The following WWOX variants were observed in gnomAD, a reference collection of about 807,000 sequenced individuals.
WWOX encodes WW domain containing oxidoreductase.
A neutral mutation model predicts 46.2 loss-of-function variants in WWOX; 69 were observed. The ratio of observed to expected loss-of-function variants is 1.49; its 90% CI spans 1.23 to 1.82. WWOX has a LOEUF of 1.82. Ranked by LOEUF, WWOX falls within the 40% of genes most tolerant of loss-of-function variation. The probability of loss-of-function intolerance (pLI) is 0.00; values close to 1 mark genes in which losing one functional copy is unlikely to be tolerated. For synonymous variants in WWOX, 359 were observed against 202.6 expected (o/e 1.77, Z -6.56); for missense variants, 919 against 542.6 (o/e 1.69, Z -6.89).
chr16:78,849,130 A>G (rs891986706), intron 8 of WWOX, among the ~76,000 whole-genome samples: 2 of 152,192 alleles, frequency 1.3e-5, no homozygotes, highest in Admixed American at 6.5e-5. Context: ...CAGTAACTCA[A>G]CATTAACTGT....
At chr16:78,575,092 T>G (rs1286731508) in intron 8 of WWOX, among the ~76,000 whole-genome samples, 4 of 56,400 alleles carry the variant, frequency 7.1e-5, no homozygotes, top group African/African-American at 1.6e-4. Flanking sequence ...TATATATATA[T>G]ATATTTAAAG....
At chr16:78,974,799 A>T (rs1416157414) in intron 8 of WWOX, among the ~76,000 whole-genome samples, 2 of 152,146 alleles carry the variant, frequency 1.3e-5, no homozygotes, top group African/African-American at 4.8e-5. Context: ...TTTAGGGCGT[A>T]ATCTTCTGAG....
chr16:79,110,404 G>C (rs967338859), intron 8 of WWOX, among the ~76,000 whole-genome samples: 2 of 152,110 alleles, frequency 1.3e-5, no homozygotes, highest in Admixed American at 1.3e-4. Context: ...GAAACCTTGA[G>C]CTCTGAGCCC....
chr16:78,635,635 T>G (rs2046548870), intron 8 of WWOX, among the ~76,000 whole-genome samples: 2 of 152,126 alleles, frequency 1.3e-5, no homozygotes, highest in South Asian at 2.1e-4. Context: ...GAGGATGAAG[T>G]GCTAAAAATG....
At chr16:78,127,055 G>C (rs902813729) in intron 4 of WWOX, among the ~76,000 whole-genome samples, 1 of 152,178 alleles carries the variant, frequency 6.6e-6, no homozygotes, top group Admixed American at 6.5e-5. Flanking sequence ...AAAGATGTAG[G>C]AGAGGAACAC....
At chr16:78,490,297 C>T (rs941093200) in intron 8 of WWOX, among the ~76,000 whole-genome samples, 1 of 132,166 alleles carries the variant, frequency 7.6e-6, no homozygotes, top group African/African-American at 3.3e-5. Context: ...TTGTTTAACA[C>T]ACAAATAACT....
At chr16:78,892,887 C>G (rs573430370) in intron 8 of WWOX, among the ~76,000 whole-genome samples, 3 of 152,184 alleles carry the variant, frequency 2.0e-5, no homozygotes, top group Admixed American at 2.0e-4. Context: ...TTGGTATCTC[C>G]TACGCCAAGT....
chr16:78,654,728 G>T (rs1167839539), intron 8 of WWOX, among the ~76,000 whole-genome samples: 1 of 151,232 alleles, frequency 6.6e-6, no homozygotes, highest in East Asian at 1.9e-4. Context: ...TTTGGGGCCT[G>T]TGAATTTTTT....
At chr16:78,837,532 T>C (rs8060300) in intron 8 of WWOX, among the ~76,000 whole-genome samples, 27,128 of 152,086 alleles carry the variant, frequency 0.18, 2,854 homozygotes, top group African/African-American at 0.3. Context: ...TTCTCAGGAG[T>C]GGGATACTTT....
At chr16:79,014,695 A>T (rs140774545) in intron 8 of WWOX, among the ~76,000 whole-genome samples, 13 of 152,318 alleles carry the variant, frequency 8.5e-5, no homozygotes, top group Middle Eastern at 3.4e-3. Context: ...GATTTCAGAG[A>T]TGAAAGAACC....
intron 8 of WWOX, among the ~76,000 whole-genome samples, chr16:78,782,504 T>G (rs1167396604): frequency 1.3e-5 from 2 of 152,134 alleles, no homozygotes; most frequent in Non-Finnish European, 2.9e-5. Context: ...GGAAAAATCA[T>G]CCAAACTACT....
intron 8 of WWOX, among the ~76,000 whole-genome samples, chr16:78,748,615 T>C (rs1477212315): frequency 6.6e-6 from 1 of 152,192 alleles, no homozygotes; most frequent in Admixed American, 6.5e-5. Context: ...GGTTAGCAGA[T>C]GGCAGCTGCA....
chr16:78,264,087 G>A (rs1014340511), intron 5 of WWOX, among the ~76,000 whole-genome samples: 4 of 140,280 alleles, frequency 2.9e-5, no homozygotes, highest in Non-Finnish European at 6.0e-5. Context: ...TGCCCTAAGT[G>A]TATCTGAATA....
intron 8 of WWOX, among the ~76,000 whole-genome samples, chr16:79,124,099 TTAACTA>T (rs2049698699): frequency 6.6e-6 from 1 of 152,162 alleles, no homozygotes; most frequent in African/African-American, 2.4e-5. Flanking sequence ...GCCCTCCTGA[TTAACTA>T]TAGCCTTGGC....
At chr16:79,030,075 T>A (rs1029976398) in intron 8 of WWOX, among the ~76,000 whole-genome samples, 4 of 152,178 alleles carry the variant, frequency 2.6e-5, no homozygotes, top group African/African-American at 4.8e-5. Flanking sequence ...AAAAATAGCA[T>A]CTGCCCAAAA....
chr16:79,109,151 A>G (rs2049367218), intron 8 of WWOX, among the ~76,000 whole-genome samples: 1 of 152,110 alleles, frequency 6.6e-6, no homozygotes, highest in Non-Finnish European at 1.5e-5. Flanking sequence ...GGCAGGGGGC[A>G]CTTTTCATCT....
In WWOX at chr16:78,183,394, G is replaced by A. The variant is rs140787706; in HGVS notation, c.516+19105G>A. Among the ~76,000 whole-genome samples the A allele has an allele frequency of 4.2e-3, 636 of 152,288 alleles. 3 individuals are homozygous for A. Among genetic ancestry groups the A allele is most frequent in the Middle Eastern group, 0.01 (3 of 294 alleles). ...GTGGCATAGGACCAGTTGGTTATGA[G>A]CGTGAAAGGTTTTCTTTGACTTTGG... is the stretch of plus-strand genomic sequence containing the variant. On this transcript the variant is annotated intron_variant, in intron 5 of 8. Transcript: ENST00000566780.
chr16:79,194,527 C>A (rs1239455845), intron 8 of WWOX, among the ~76,000 whole-genome samples: 1 of 152,246 alleles, frequency 6.6e-6, no homozygotes, highest in Admixed American at 6.5e-5. Flanking sequence ...TAACAAGTTT[C>A]CTGGCCCATA....
intron 8 of WWOX, among the ~76,000 whole-genome samples, chr16:78,808,113 A>G (rs568728141): frequency 3.3e-4 from 50 of 152,294 alleles, no homozygotes; most frequent in African/African-American, 1.1e-3. Context: ...GGCCCAAGCA[A>G]CCAGGACTCC....
Sources: allele counts gnomAD v4.1 joint callset (sites outside exome capture counted in the v4.1 genomes callset), GRCh38; gene constraint gnomAD v4.1.1; transcripts MANE v1.5; gene names NCBI Gene and HGNC (gene_info 2026-07-23, HGNC 2026-07-21).